The following GPC5 variants were observed in gnomAD, a reference collection of about 807,000 sequenced individuals.
The protein encoded by GPC5 is glypican-5.
A neutral mutation model predicts 53.9 loss-of-function variants in GPC5; 47 were observed. That is an observed-to-expected ratio of 0.87 (90% confidence interval 0.69 to 1.11). The LOEUF (loss-of-function observed/expected upper bound fraction) is 1.11. Ranked by LOEUF, GPC5 falls within the 50% of genes most tolerant of loss-of-function variation. The pLI is 0.00. For missense variants in GPC5, 748 were observed against 713.1 expected (o/e 1.05, Z -0.56); for synonymous variants, 286 against 263.3 (o/e 1.09, Z -0.84).
chr13:92,345,102 A>G (rs1174913806), intron 7 of GPC5, among the ~76,000 whole-genome samples: 1 of 152,180 alleles, frequency 6.6e-6, no homozygotes, highest in African/African-American at 2.4e-5. Context: ...AGTAATATTA[A>G]AAGTGCATGA....
intron 7 of GPC5, among the ~76,000 whole-genome samples, chr13:92,500,883 G>C (rs1190562398): frequency 1.3e-5 from 2 of 152,134 alleles, no homozygotes; most frequent in African/African-American, 2.4e-5. Context: ...CCAAAAAAGG[G>C]AAGACCAGAG....
intron 6 of GPC5, among the ~76,000 whole-genome samples, chr13:92,031,833 A>AATATATTATATATTATATATAATATG (rs2040851431): frequency 1.0e-5 from 1 of 97,814 alleles, no homozygotes; most frequent in Admixed American, 1.5e-4. Flanking sequence ...TATATAATAT[A>AATATATTATATATTATATATAATATG]TAATATATTA....
At chr13:92,679,553 A>G (rs1300599186) in intron 7 of GPC5, among the ~76,000 whole-genome samples, 2 of 152,160 alleles carry the variant, frequency 1.3e-5, no homozygotes, top group African/African-American at 2.4e-5. Context: ...AATTTGCATG[A>G]ATTACTTAAA....
chr13:91,498,983 A>G (rs12855110), intron 2 of GPC5, among the ~76,000 whole-genome samples: 3 of 148,374 alleles, frequency 2.0e-5, no homozygotes, highest in African/African-American at 7.3e-5. Flanking sequence ...AAAAAAAAAG[A>G]AAAAAGGAAA....
intron 7 of GPC5, among the ~76,000 whole-genome samples, chr13:92,538,666 T>C (rs1367770349): frequency 7.0e-6 from 1 of 143,504 alleles, no homozygotes; most frequent in African/African-American, 2.6e-5. Context: ...CCTGTGCCCA[T>C]ATGTTCTCAT....
chr13:92,856,735 A>G (rs2138850692), intron 7 of GPC5, among the ~76,000 whole-genome samples: 1 of 152,138 alleles, frequency 6.6e-6, no homozygotes, highest in Non-Finnish European at 1.5e-5. Context: ...CATTTGTAAT[A>G]GCCTTAAAAA....
rs138748479 is a variant in GPC5, at chr13:92,524,650, A to C, written c.1562-341632A>C. Among the ~76,000 whole-genome samples, 607 of 152,258 alleles carry C rather than the reference A, an allele frequency of 4.0e-3. 7 individuals are homozygous for C. The highest frequency in any genetic ancestry group is 0.014 in the African/African-American group (591 of 41,574). ...CTGTGGTGAGGCCAACTCATTCTAA[A>C]GTCCTTTCATTGAGAGCATATCAGA... On this transcript the variant is annotated intron_variant, in intron 7 of 7. Transcript: ENST00000377067.
intron 7 of GPC5, among the ~76,000 whole-genome samples, chr13:92,393,290 C>T (rs1047010411): frequency 2.6e-5 from 4 of 151,950 alleles, no homozygotes; most frequent in African/African-American, 9.7e-5. Context: ...TAAAAAAAAA[C>T]TAATACAGGA....
intron 4 of GPC5, among the ~76,000 whole-genome samples, chr13:91,729,480 A>G (rs1162112743): frequency 6.6e-6 from 1 of 152,208 alleles, no homozygotes; most frequent in Non-Finnish European, 1.5e-5. Context: ...AATTATTTCT[A>G]ATAATACTCT....
intron 5 of GPC5, among the ~76,000 whole-genome samples, chr13:91,879,214 A>C (rs1274172948): frequency 6.6e-6 from 1 of 152,134 alleles, no homozygotes; most frequent in Admixed American, 6.5e-5. Context: ...GGTATACAGT[A>C]CCATGGTGGT....
intron 6 of GPC5, among the ~76,000 whole-genome samples, chr13:91,949,539 G>A (rs571099437): frequency 1.3e-5 from 2 of 152,244 alleles, no homozygotes; most frequent in Non-Finnish European, 2.9e-5. Context: ...GATGCTAAAG[G>A]TATAGCTTGC....
intron 5 of GPC5, among the ~76,000 whole-genome samples, chr13:91,866,152 G>A (rs2039082655): frequency 6.6e-6 from 1 of 152,202 alleles, no homozygotes; most frequent in Non-Finnish European, 1.5e-5. Flanking sequence ...ACAGGCATGA[G>A]CTACTGTGCT....
chr13:92,234,625 TG>T lies in GPC5; in HGVS notation c.1561+89643del, dbSNP rs540784774. Among the ~76,000 whole-genome samples the T allele has an allele frequency of 2.0e-3, 303 of 150,310 alleles. 1 individual carries two copies. The highest frequency in any genetic ancestry group is 7.0e-3 in the African/African-American group (285 of 40,952). ...GTCACTAGGAGATATATGGCGGTGG[TG>T]GGGGGGTGCATTGTAAAACTAGTAG... is the stretch of plus-strand genomic sequence containing the variant. On this transcript the variant is annotated intron_variant, in intron 7 of 7. Coordinates refer to ENST00000377067, the MANE Select transcript of GPC5 (RefSeq NM_004466.6).
intron 7 of GPC5, among the ~76,000 whole-genome samples, chr13:92,291,118 G>C (rs2042991825): frequency 6.6e-6 from 1 of 152,156 alleles, no homozygotes; most frequent in Admixed American, 6.5e-5. Context: ...CGCCATGCCT[G>C]AGCCTCCCCA....
At chr13:92,781,108 C>A (rs1435889105) in intron 7 of GPC5, among the ~76,000 whole-genome samples, 2 of 152,056 alleles carry the variant, frequency 1.3e-5, no homozygotes, top group Non-Finnish European at 1.5e-5. Context: ...GGAAGCTATT[C>A]CTTAGCTAAA....
rs552866362 is a variant in GPC5 at position 91,742,111 on chromosome 13, G to A, written c.1154+13446G>A. ...TGGATAGGAGGCCAGAGCAGGTATG[G>A]AGGGAACATGAGCTCATGAGCTACA... On this transcript the variant is annotated intron_variant, in intron 4 of 7. Coordinates refer to ENST00000377067, the MANE Select transcript of GPC5 (RefSeq NM_004466.6). Among the ~76,000 whole-genome samples the A allele has an allele frequency of 1.1e-4, 17 of 152,284 alleles. No homozygotes were observed. The South Asian group carries it at 3.1e-3, about 28-fold the overall frequency.
chr13:91,830,207 G>A (rs2138852648), intron 5 of GPC5, among the ~76,000 whole-genome samples: 1 of 152,122 alleles, frequency 6.6e-6, no homozygotes, highest in African/African-American at 2.4e-5. Context: ...TTCTTGCTGA[G>A]AAAAAGAATT....
At chr13:92,413,252 GTGT>G (rs1405028697) in intron 7 of GPC5, among the ~76,000 whole-genome samples, 2 of 152,170 alleles carry the variant, frequency 1.3e-5, no homozygotes, top group East Asian at 3.9e-4. Flanking sequence ...ATTATACTGA[GTGT>G]TGTTGGTTTT....
chr13:92,562,486 T>C (rs1402416978), intron 7 of GPC5, among the ~76,000 whole-genome samples: 2 of 152,074 alleles, frequency 1.3e-5, no homozygotes, highest in African/African-American at 4.8e-5. Context: ...TATTATTTCC[T>C]GTAAAAGGGA....
Sources: allele counts gnomAD v4.1 joint callset (sites outside exome capture counted in the v4.1 genomes callset), GRCh38; gene constraint gnomAD v4.1.1; transcripts MANE v1.5; gene names NCBI Gene and HGNC (gene_info 2026-07-23, HGNC 2026-07-21).